The following LMO7 variants were observed in gnomAD, a reference collection of about 807,000 sequenced individuals.
The protein encoded by LMO7 is LIM domain only protein 7.
In LMO7, 120 loss-of-function variants were observed where a neutral mutation model predicts 206.5. The observed-to-expected ratio is 0.58, with a 90% CI of 0.50 to 0.68. LMO7 has a LOEUF of 0.68. Ranked by LOEUF, LMO7 falls within the 30% of genes least tolerant of loss-of-function variation. The probability of loss-of-function intolerance (pLI) is 0.00; values close to 1 mark genes in which losing one functional copy is unlikely to be tolerated. For missense variants in LMO7, 1,959 were observed against 1,957.9 expected (o/e 1.00, Z -0.01); for synonymous variants, 706 against 681.5 (o/e 1.04, Z -0.56).
intron 4 of LMO7, among the ~76,000 whole-genome samples, chr13:75,762,799 TAAG>T (rs373102936): frequency 5.9e-5 from 9 of 152,148 alleles, no homozygotes; most frequent in African/African-American, 2.2e-4. Context: ...TGACTTCACT[TAAG>T]AACATTTCTC....
chr13:75,674,463 A>G (rs145187654), intron 1 of LMO7, among the ~76,000 whole-genome samples: 90 of 152,316 alleles, frequency 5.9e-4, no homozygotes, highest in African/African-American at 2.1e-3. Context: ...TGTCAAGAAA[A>G]TTGCTGTGGA....
At chr13:75,774,108 A>G (rs1417365554) in intron 4 of LMO7, among the ~76,000 whole-genome samples, 4 of 152,076 alleles carry the variant, frequency 2.6e-5, no homozygotes, top group South Asian at 4.1e-4. Context: ...TCATTTACCT[A>G]TAACAAAATT....
intron 13 of LMO7, among the ~76,000 whole-genome samples, chr13:75,820,530 T>G (rs917141082): frequency 5.9e-5 from 9 of 152,228 alleles, no homozygotes; most frequent in African/African-American, 2.2e-4. Context: ...GTGTTTTAAT[T>G]TTAAAAGTTA....
At chr13:75,792,515 T>C (rs1226264722) in intron 4 of LMO7, among the ~76,000 whole-genome samples, 1 of 152,206 alleles carries the variant, frequency 6.6e-6, no homozygotes. Flanking sequence ...GGCTGTCTTA[T>C]ATTTCATTCT....
chr13:75,802,997 G>A (rs900294323), intron 7 of LMO7, among the ~76,000 whole-genome samples: 10 of 152,176 alleles, frequency 6.6e-5, no homozygotes, highest in Admixed American at 3.9e-4. Context: ...AAGTTAGAAA[G>A]TAAAATAGTC....
At chr13:75,636,208 C>T (rs970751104), upstream of LMO7, 3 of 758,326 alleles carry the variant, frequency 4.0e-6, no homozygotes, top group African/African-American at 7.7e-5. Flanking sequence ...GCCGGGAGCC[C>T]GGGGAGCCAA....
In LMO7 at chr13:75,840,503, TG is replaced by T. The variant is rs577730365; in HGVS notation, c.3582+10del. Reference sequence around the variant, plus strand: ...CAGGACCGCCTACTGCAGGTAGCTCTGGCTCACGTGGACGGGTAGAAACTAG... The same window carrying T: ...CAGGACCGCCTACTGCAGGTAGCTCTGCTCACGTGGACGGGTAGAAACTAG... On this transcript the variant is annotated intron_variant, in intron 22 of 30. Transcript: ENST00000377534. 114 of 1,613,324 alleles carry T rather than the reference TG, an allele frequency of 7.1e-5. No homozygotes were observed. In the African/African-American group the frequency reaches 1.3e-3, roughly 18 times the overall value.
chr13:75,692,395 CTTT>C (rs35029342), intron 1 of LMO7, among the ~76,000 whole-genome samples: 2 of 144,792 alleles, frequency 1.4e-5, no homozygotes, highest in Non-Finnish European at 1.5e-5. Context: ...GTTTCTTTTC[CTTT>C]TTTTTTTTTT....
In LMO7 at chr13:75,795,366, G is replaced by A. The variant is rs746801235; in HGVS notation, c.318-35G>A. On this transcript the variant is annotated intron_variant, in intron 4 of 30. Coordinates refer to ENST00000377534, the MANE Select transcript of LMO7 (RefSeq NM_001306080.2). The stretch of plus-strand genomic sequence containing the variant: ...CTATAATTAATAATTTAAGGTTCAC[G>A]GATATTACCTAATAGATATTTTCTT... The A allele has an allele frequency of 2.4e-5, 35 of 1,431,868 alleles. No individual in the cohort carries two copies. The Admixed American group carries it at 4.3e-4, about 18-fold the overall frequency. 88.7% of individuals were successfully genotyped at this position (1,431,868 alleles called of 1,614,324 possible).
intron 1 of LMO7, among the ~76,000 whole-genome samples, chr13:75,663,102 T>C (rs1303616846): frequency 6.6e-6 from 1 of 152,120 alleles, no homozygotes; most frequent in Non-Finnish European, 1.5e-5. Context: ...TGGGTCATTG[T>C]AGTTGCTAAT....
intron 1 of LMO7, among the ~76,000 whole-genome samples, chr13:75,704,700 C>T (rs1170731420): frequency 6.6e-6 from 1 of 152,182 alleles, no homozygotes; most frequent in Non-Finnish European, 1.5e-5. Flanking sequence ...ATGAAGTGGT[C>T]TTCAAGAAGC....
chr13:75,817,531 G>T (rs567531725), intron 12 of LMO7, among the ~76,000 whole-genome samples: 1 of 152,176 alleles, frequency 6.6e-6, no homozygotes, highest in Non-Finnish European at 1.5e-5. Flanking sequence ...AAAAATGTGA[G>T]TTGCTTCCTT....
At chr13:75,699,872 G>A (rs992613396) in intron 1 of LMO7, among the ~76,000 whole-genome samples, 1 of 152,186 alleles carries the variant, frequency 6.6e-6, no homozygotes. Context: ...AAGCCTGGGG[G>A]CGCTGCAGGA....
intron 1 of LMO7, among the ~76,000 whole-genome samples, chr13:75,669,412 T>G (rs1235354197): frequency 6.6e-6 from 1 of 152,068 alleles, no homozygotes; most frequent in Non-Finnish European, 1.5e-5. Flanking sequence ...ATCCGCAAAT[T>G]AGGATTCCCT....
chr13:75,729,185 G>T (rs1230322782), intron 3 of LMO7, among the ~76,000 whole-genome samples: 1 of 148,680 alleles, frequency 6.7e-6, no homozygotes, highest in East Asian at 2.0e-4. Flanking sequence ...TAGCTTGATG[G>T]GGATGGCATT....
intron 1 of LMO7, among the ~76,000 whole-genome samples, chr13:75,647,151 G>A (rs2037105717): frequency 6.6e-6 from 1 of 152,082 alleles, no homozygotes; most frequent in Admixed American, 6.6e-5. Context: ...TATGTACAAG[G>A]ACTTATTTTG....
In LMO7 at chr13:75,737,786, A is replaced by AAC. The variant is rs1481154677; in HGVS notation, c.210+10689_210+10690insCA. 4.8e-5 allele frequency among the ~76,000 whole-genome samples: 4 copies of AAC among 83,780 alleles called. 1 individual carries two copies. The highest frequency in any genetic ancestry group is 1.0e-4 in the African/African-American group (3 of 30,064). 55.0% of individuals were successfully genotyped at this position (83,780 alleles called of 152,430 possible). A position where few individuals can be genotyped will look rare whatever the true frequency, so the allele number is the denominator to read the frequency against. ...AAAAAATAAAATAAAATAAAATAAA[A>AAC]AAAAAAAAAAAAAAACTTTTTACTT... On this transcript the variant is annotated intron_variant, in intron 3 of 30. Coordinates refer to ENST00000377534, the MANE Select transcript of LMO7 (RefSeq NM_001306080.2).
At chr13:75,844,550 C>T (rs1353867383) in intron 25 of LMO7, among the ~76,000 whole-genome samples, 1 of 151,902 alleles carries the variant, frequency 6.6e-6, no homozygotes, top group Admixed American at 6.6e-5. Flanking sequence ...ACTGAGACTA[C>T]GGGCGCATGC....
chr13:75,630,543 A>G (rs1313282990), intron 2 of LMO7, among the ~76,000 whole-genome samples: 1 of 152,166 alleles, frequency 6.6e-6, no homozygotes, highest in African/African-American at 2.4e-5. Context: ...GCATGGTGGC[A>G]TGCATCTGTA....
Sources: gnomAD v4.1 joint callset for allele counts (sites outside exome capture counted in the v4.1 genomes callset) on GRCh38, gnomAD v4.1.1 for gene constraint, MANE v1.5 for transcripts, NCBI Gene and HGNC (gene_info 2026-07-23, HGNC 2026-07-21) for gene names.